The following EHMT2 variants were observed in gnomAD, a reference collection of about 807,000 sequenced individuals.
EHMT2 encodes histone-lysine N-methyltransferase EHMT2.
EHMT2 carries 59 observed loss-of-function variants against 143.3 expected under a neutral mutation model. The ratio of observed to expected loss-of-function variants is 0.41; its 90% CI spans 0.33 to 0.51. The LOEUF is 0.51. EHMT2 is among the 20% of genes least tolerant of loss of function. The pLI is 0.18. For synonymous variants in EHMT2, 604 were observed against 651.5 expected, an observed-to-expected ratio of 0.93 and a Z score of 1.11; for missense variants, 1,174 against 1,645.9, an observed-to-expected ratio of 0.71 and a Z score of 4.96.
At chr6:31,894,545 G>A (rs3130680) in intron 4 of EHMT2, among the ~76,000 whole-genome samples, 45,084 of 152,124 alleles carry the variant, frequency 0.3, 8,498 homozygotes, top group East Asian at 0.55. Flanking sequence ...GGCCTCCAAA[G>A]TGCTGAGATT....
rs1178039062 is a variant in EHMT2 at position 31,881,712 on chromosome 6, A to C, written c.3198-620T>G. Reference sequence around the variant, plus strand: ...GTGGGGAAACTGAGGCCCAGCAGGAAGGGGCTGCTTGCCAGAGAAGTTGAG... The same window carrying C: ...GTGGGGAAACTGAGGCCCAGCAGGACGGGGCTGCTTGCCAGAGAAGTTGAG... On this transcript the variant is annotated intron_variant, in intron 25 of 27. Transcript: ENST00000375537. This position sits in a 1 kb window ranked among gnomAD's most constrained non-coding sequence, Gnocchi z 4.8. Among the ~76,000 whole-genome samples the C allele has an allele frequency of 6.6e-6, 1 of 152,202 alleles. No individual in the cohort carries two copies. Among genetic ancestry groups the C allele is most frequent in the Non-Finnish European group, 1.5e-5 (1 of 68,034 alleles).
In EHMT2 at chr6:31,884,093, A is replaced by C; in HGVS notation, c.2772-143T>G. The C allele has an allele frequency of 1.1e-6, 1 of 927,878 alleles. No homozygotes were observed. The highest frequency in any genetic ancestry group is 1.6e-6 in the Non-Finnish European group (1 of 637,052). 57.5% of individuals were successfully genotyped at this position (927,878 alleles called of 1,614,324 possible). A position where few individuals can be genotyped will look rare whatever the true frequency, so the allele number is the denominator to read the frequency against. On this transcript the variant is annotated intron_variant, in intron 21 of 27. Transcript: ENST00000375537. The surrounding 1 kb of genome is among the most constrained non-coding windows in gnomAD (Gnocchi z 7.3). ...CAGGTAAGATGCAGGACAGCGAGTT[A>C]ACATAGAATTTTAGATAAACAAGAA...
In EHMT2 at chr6:31,883,926, G is replaced by GT; in HGVS notation, c.2795dup (p.Asn932LysfsTer17). 1 of 1,613,880 alleles carries GT rather than the reference G, an allele frequency of 6.2e-7. No individual in the cohort carries two copies. The highest frequency in any genetic ancestry group is 8.5e-7 in the Non-Finnish European group (1 of 1,179,944). On this transcript the variant is annotated frameshift_variant, in exon 22 of 28. Coordinates refer to ENST00000375537, the Ensembl canonical transcript of EHMT2. LOFTEE classifies it high-confidence loss of function. This position sits in a 1 kb window ranked among gnomAD's most constrained non-coding sequence, Gnocchi z 5.6. ...CACCGTTGACACAGGGAATGGGCAC[G>GT]TTCTCATAGCCCCGAGCCACGTCCC... is the stretch of plus-strand genomic sequence containing the variant.
At chr6:31,894,629 T>C (rs1766128167) in intron 4 of EHMT2, among the ~76,000 whole-genome samples, 2 of 152,172 alleles carry the variant, frequency 1.3e-5, no homozygotes, top group African/African-American at 4.8e-5. Flanking sequence ...TAGTCCCCTC[T>C]TATCCAGTTC....
At position 31,883,464 on chromosome 6, in the gene EHMT2, C is replaced by T; in HGVS notation, c.2917-25G>A. The T allele has an allele frequency of 1.2e-6, 2 of 1,606,106 alleles. No homozygotes were observed. The highest frequency in any genetic ancestry group is 1.1e-5 in the South Asian group (1 of 89,894). The stretch of plus-strand genomic sequence containing the variant: ...GCTGGGGCGAGGAGGCAGAGGTCAG[C>T]TCAACCCCATGATCGGTCTGGGCCC... On this transcript the variant is annotated intron_variant, in intron 22 of 27. Coordinates refer to ENST00000375537, the Ensembl canonical transcript of EHMT2. This position sits in a 1 kb window ranked among gnomAD's most constrained non-coding sequence, Gnocchi z 5.6.
At position 31,881,247 on chromosome 6, in the gene EHMT2, G is replaced by C. The variant is rs1014289655; in HGVS notation, c.3198-155C>G. The C allele has an allele frequency of 4.3e-6, 3 of 695,224 alleles. No homozygotes were observed. Among genetic ancestry groups the C allele is most frequent in the Non-Finnish European group, 7.8e-6 (3 of 386,878 alleles). The allele number at this position is 695,224 out of a possible 1,614,324, so 43.1% of individuals were successfully genotyped here. A position where few individuals can be genotyped will look rare whatever the true frequency, so the allele number is the denominator to read the frequency against. Reference sequence around the variant, plus strand: ...CCTGGAGCAGCAGTGGTGGGCAAGTGAAAGGGCAGCATTCCAGCCTTGACA... The same window carrying C: ...CCTGGAGCAGCAGTGGTGGGCAAGTCAAAGGGCAGCATTCCAGCCTTGACA... On this transcript the variant is annotated intron_variant, in intron 25 of 27. Transcript: ENST00000375537. The surrounding 1 kb of genome is among the most constrained non-coding windows in gnomAD (Gnocchi z 4.8).
chr6:31,882,703 A>G, exon 25 of EHMT2: 1 of 1,612,296 alleles, frequency 6.2e-7, no homozygotes, highest in Non-Finnish European at 8.5e-7. Context: ...ACTTACTCGC[A>G]GATGAAGGTC....
At position 31,883,508 on chromosome 6, in the gene EHMT2, C is replaced by A; in HGVS notation, c.2917-69G>T. 6.8e-7 allele frequency: 1 copy of A among 1,480,492 alleles called. No individual in the cohort carries two copies. Among genetic ancestry groups the A allele is most frequent in the Non-Finnish European group, 9.3e-7 (1 of 1,076,574 alleles). 91.7% of individuals were successfully genotyped at this position (1,480,492 alleles called of 1,614,324 possible). ...TGGGCCCCTCTACTCTTGATGCCCCCTGACCCCCTAACCACTGTCCTTTCT... is the reference window on the plus strand; with the variant it reads ...TGGGCCCCTCTACTCTTGATGCCCCATGACCCCCTAACCACTGTCCTTTCT... On this transcript the variant is annotated intron_variant, in intron 22 of 27. Transcript: ENST00000375537. This position sits in a 1 kb window ranked among gnomAD's most constrained non-coding sequence, Gnocchi z 5.6.
chr6:31,884,714 T>C lies in EHMT2; in HGVS notation c.2534A>G (p.His845Arg), dbSNP rs1395462657. The C allele has an allele frequency of 1.9e-6, 3 of 1,593,748 alleles. No individual in the cohort carries two copies. Among genetic ancestry groups the C allele is most frequent in the South Asian group, 2.2e-5 (2 of 89,452 alleles). ...GGTGTCCCCATGGTAGTTGACAGCA[T>C]GGAGGTCACAGCGCGCATTCAGAAG... is the stretch of plus-strand genomic sequence containing the variant. The change falls in exon 20 of 28, where the codon CAT (histidine) becomes CGT (arginine). Residue 845 changes from histidine to arginine, a missense_variant. By Grantham distance (29) the His-to-Arg change is conservative. Around this residue, in one of 6 missense-constraint regions of EHMT2, gnomAD observed 608 missense variants for 903.7 expected, o/e 0.67. Coordinates refer to ENST00000375537, the Ensembl canonical transcript of EHMT2. This position sits in a 1 kb window ranked among gnomAD's most constrained non-coding sequence, Gnocchi z 7.3.
rs1225362620 is a variant in EHMT2 at position 31,883,933 on chromosome 6, T to C, written c.2789A>G (p.Tyr930Cys). The change falls in exon 22 of 28, where the codon TAT (tyrosine) becomes TGT (cysteine). Residue 930 changes from tyrosine (Y) to cysteine (C), a missense_variant. Tyr to Cys is a radical substitution (Grantham distance 194). Coordinates refer to ENST00000375537, the Ensembl canonical transcript of EHMT2. This position sits in a 1 kb window ranked among gnomAD's most constrained non-coding sequence, Gnocchi z 5.6. ...GACACAGGGAATGGGCACGTTCTCATAGCCCCGAGCCACGTCCCTGCAGAA... is the reference window on the plus strand; with the variant it reads ...GACACAGGGAATGGGCACGTTCTCACAGCCCCGAGCCACGTCCCTGCAGAA... 6.2e-7 allele frequency: 1 copy of C among 1,613,606 alleles called. No individual in the cohort carries two copies. The highest frequency in any genetic ancestry group is 8.5e-7 in the Non-Finnish European group (1 of 1,179,874).
intron 17 of EHMT2, 28 bp from the exon 18 acceptor site, chr6:31,886,710 TTGGGC>T: frequency 6.2e-7 from 1 of 1,613,950 alleles, no homozygotes; most frequent in Non-Finnish European, 8.5e-7. Flanking sequence ...AAATGAGCCT[TTGGGC>T]TGGCACCCCA....
In EHMT2 at chr6:31,897,279, C is replaced by A. The variant is rs1423640194; in HGVS notation, c.43-290G>T. On this transcript the variant is annotated intron_variant, in intron 1 of 27. Coordinates refer to ENST00000375537, the Ensembl canonical transcript of EHMT2. ...GCCCCGCCCCCTCCTCCCGGCTGCA[C>A]GCGCCGCTCCCCCTTTGTCCCCCAG... 16 of 796,402 alleles carry A rather than the reference C, an allele frequency of 2.0e-5. No individual in the cohort carries two copies. In the African/African-American group the frequency reaches 2.6e-4, roughly 13 times the overall value. The allele number at this position is 796,402 out of a possible 1,614,324, so 49.3% of individuals were successfully genotyped here.
In EHMT2 at chr6:31,883,516, CT is replaced by C. The variant is rs1372706667; in HGVS notation, c.2917-78del. On this transcript the variant is annotated intron_variant, in intron 22 of 27. Transcript: ENST00000375537. The surrounding 1 kb of genome is among the most constrained non-coding windows in gnomAD (Gnocchi z 5.6). Reference sequence around the variant, plus strand: ...TCTACTCTTGATGCCCCCTGACCCCCTAACCACTGTCCTTTCTTTGGGGTCC... The same window carrying C: ...TCTACTCTTGATGCCCCCTGACCCCCAACCACTGTCCTTTCTTTGGGGTCC... 1.4e-6 allele frequency: 2 copies of C among 1,426,882 alleles called. No homozygotes were observed. The highest frequency in any genetic ancestry group is 1.4e-5 in the African/African-American group (1 of 70,850). 88.4% of individuals were successfully genotyped at this position (1,426,882 alleles called of 1,614,324 possible).
chr6:31,896,457 C>T, exon 4 of EHMT2: 2 of 1,613,018 alleles, frequency 1.2e-6, no homozygotes, highest in Non-Finnish European at 1.7e-6. Context: ...GACATCTTGG[C>T]CCGGCTAGGA....
Position 31,883,181 on chromosome 6 carries a change from G to C in EHMT2, c.2995-172C>G. 1 of 858,284 alleles carries C rather than the reference G, an allele frequency of 1.2e-6. No individual in the cohort carries two copies. The highest frequency in any genetic ancestry group is 1.9e-6 in the Non-Finnish European group (1 of 536,896). The allele number at this position is 858,284 out of a possible 1,614,324, so 53.2% of individuals were successfully genotyped here. On this transcript the variant is annotated intron_variant, in intron 23 of 27. Coordinates refer to ENST00000375537, the Ensembl canonical transcript of EHMT2. The surrounding 1 kb of genome is among the most constrained non-coding windows in gnomAD (Gnocchi z 5.6). ...CATCATCCCTGGTTTGCATAGACCT[G>C]GGCACACGCCCATCGCTGTCCCAGC...
chr6:31,884,745 C>T lies in EHMT2; in HGVS notation c.2503G>A (p.Glu835Lys), dbSNP rs768382453. ...TCACAGCGCGCATTCAGAAGGACTT[C>T]GGCGATGGCGGCGCTGCCCGTGAAG... The change falls in exon 20 of 28, where the codon GAA (glutamate) becomes AAA (lysine). Residue 835 changes from glutamate to lysine, a missense_variant. By Grantham distance (56) the Glu-to-Lys change is moderately conservative. Transcript: ENST00000375537. This position sits in a 1 kb window ranked among gnomAD's most constrained non-coding sequence, Gnocchi z 7.3. 11 of 1,601,016 alleles carry T rather than the reference C, an allele frequency of 6.9e-6. No homozygotes were observed. The highest frequency in any genetic ancestry group is 3.5e-5 in the Admixed American group (2 of 57,182).
Position 31,884,372 on chromosome 6 carries a change from G to A in EHMT2, c.2771+20C>T, listed in dbSNP as rs764827679. On this transcript the variant is annotated intron_variant, in intron 21 of 27. Coordinates refer to ENST00000375537, the Ensembl canonical transcript of EHMT2. The surrounding 1 kb of genome is among the most constrained non-coding windows in gnomAD (Gnocchi z 7.3). The stretch of plus-strand genomic sequence containing the variant: ...TGGGGAGGAGGTGGTCTTGGGTGCA[G>A]AGAGGGGCCCAGGGCTCACCGGCAG... 25 of 1,602,420 alleles carry A rather than the reference G, an allele frequency of 1.6e-5. No individual in the cohort carries two copies. Among genetic ancestry groups the A allele is most frequent in the Non-Finnish European group, 1.8e-5 (21 of 1,174,494 alleles).
exon 4 of EHMT2, chr6:31,896,390 A>C (rs1438390082): frequency 6.2e-7 from 1 of 1,612,926 alleles, no homozygotes; most frequent in Non-Finnish European, 8.5e-7. Flanking sequence ...TGGCATACTC[A>C]GTAGCCTCAT....
rs1766747564 is a variant in EHMT2, at chr6:31,897,627, C to T, written c.42+9G>A. The T allele has an allele frequency of 8.7e-7, 1 of 1,151,750 alleles. No homozygotes were observed. 71.3% of individuals were successfully genotyped at this position (1,151,750 alleles called of 1,614,324 possible). A position where few individuals can be genotyped will look rare whatever the true frequency, so the allele number is the denominator to read the frequency against. On this transcript the variant is annotated intron_variant, in intron 1 of 27. Transcript: ENST00000375537. ...GCATGCACCCGCCTCTCCCCCTCCC[C>T]TTCCGCACCTCGGCGGCCGCCGCCG...
Sources: allele counts gnomAD v4.1 joint callset (sites outside exome capture counted in the v4.1 genomes callset), GRCh38; gene constraint gnomAD v4.1.1; regional missense constraint gnomAD v4.1.1; non-coding constraint Gnocchi (gnomAD v3.1); transcripts MANE v1.5; gene names NCBI Gene and HGNC (gene_info 2026-07-23, HGNC 2026-07-21).